ITGB5: variants seen among roughly 807,000 people sequenced by gnomAD.
The protein encoded by ITGB5 is integrin subunit beta 5, also known as integrin beta-5.
In ITGB5, 38 loss-of-function variants were observed where a neutral mutation model predicts 84.8. That is an observed-to-expected ratio of 0.45 (90% CI 0.35 to 0.59). ITGB5 has a LOEUF of 0.59. Ranked by LOEUF, ITGB5 falls within the 20% of genes least tolerant of loss-of-function variation. The pLI, the probability that ITGB5 is intolerant of heterozygous loss-of-function variation, is 0.01. For missense variants in ITGB5, 905 were observed against 1,034.5 expected (o/e 0.87, Z 1.72); for synonymous variants, 393 against 414.4 (o/e 0.95, Z 0.63).
At chr3:124,851,629 A>G (rs1181637195) in intron 3 of ITGB5, among the ~76,000 whole-genome samples, 1 of 151,836 alleles carries the variant, frequency 6.6e-6, no homozygotes, top group African/African-American at 2.4e-5. Context: ...ACACACACAC[A>G]CACACACACA....
chr3:124,870,842 G>A (rs1232268910), intron 2 of ITGB5, among the ~76,000 whole-genome samples: 1 of 152,154 alleles, frequency 6.6e-6, no homozygotes. Context: ...GACAGATGGA[G>A]ACAGTCAGGT....
At chr3:124,810,604 A>T (rs1010268267) in intron 8 of ITGB5, among the ~76,000 whole-genome samples, 4 of 117,984 alleles carry the variant, frequency 3.4e-5, no homozygotes, top group African/African-American at 1.7e-4. Flanking sequence ...TCTTAAAAAA[A>T]TTAAGAATAA....
chr3:124,818,373 G>A (rs528920134), intron 7 of ITGB5, among the ~76,000 whole-genome samples: 2 of 152,106 alleles, frequency 1.3e-5, no homozygotes, highest in South Asian at 4.1e-4. Flanking sequence ...CAAGCAAGGT[G>A]TATTTAGCTC....
intron 3 of ITGB5, among the ~76,000 whole-genome samples, chr3:124,851,084 A>G (rs1053595466): frequency 5.3e-5 from 8 of 152,244 alleles, no homozygotes; most frequent in Admixed American, 2.6e-4. Context: ...TTTACGAATT[A>G]TAAGAAATTA....
chr3:124,829,992 T>C (rs2064836696), intron 5 of ITGB5, among the ~76,000 whole-genome samples: 1 of 151,898 alleles, frequency 6.6e-6, no homozygotes, highest in Non-Finnish European at 1.5e-5. Flanking sequence ...ACTGAGAAAA[T>C]TAACAAAAAT....
At chr3:124,891,875 C>T (rs936825441), upstream of ITGB5, among the ~76,000 whole-genome samples, 5 of 151,472 alleles carry the variant, frequency 3.3e-5, no homozygotes, top group Non-Finnish European at 5.9e-5. Flanking sequence ...GCCATGATTG[C>T]ACCACTGCAC....
chr3:124,782,269 C>T (rs1041353194), intron 10 of ITGB5, among the ~76,000 whole-genome samples: 1 of 152,180 alleles, frequency 6.6e-6, no homozygotes, highest in Non-Finnish European at 1.5e-5. Flanking sequence ...CAAAACCACA[C>T]AGCAGGTAGG....
chr3:124,805,198 A>G (rs1168577741), intron 9 of ITGB5, among the ~76,000 whole-genome samples: 3 of 149,604 alleles, frequency 2.0e-5, no homozygotes, highest in Non-Finnish European at 4.4e-5. Flanking sequence ...GCTGGAGTGC[A>G]GTGTCCCAGT....
In ITGB5 at chr3:124,817,691, G is replaced by C. The variant is rs1373459839; in HGVS notation, c.1058C>G (p.Pro353Arg). The C allele has an allele frequency of 6.3e-7, 1 of 1,589,064 alleles. No homozygotes were observed. ...MLYKNFTALI[P>R]GTTVEILDGD... Reference sequence around the variant, plus strand: ...ATCTAAAATCTCCACCGTTGTTCCAGGTATCAGGGCTGTAAAATTCTTGGG... The same window carrying C: ...ATCTAAAATCTCCACCGTTGTTCCACGTATCAGGGCTGTAAAATTCTTGGG... Residue 353 changes from proline (P) to arginine (R), a missense_variant, in exon 8 of 15, where the codon CCT becomes CGT. Pro to Arg is a moderately radical substitution (Grantham distance 103). Coordinates refer to ENST00000296181, the MANE Select transcript of ITGB5 (RefSeq NM_002213.5).
At chr3:124,843,752 G>A (rs2065040817) in intron 4 of ITGB5, among the ~76,000 whole-genome samples, 1 of 152,096 alleles carries the variant, frequency 6.6e-6, no homozygotes, top group Non-Finnish European at 1.5e-5. Flanking sequence ...GACGTTCTGG[G>A]GTCATGCCAG....
rs754879571 is a variant in ITGB5, at chr3:124,796,660, G to A, written c.1421C>T (p.Ala474Val). 1.9e-6 allele frequency: 3 copies of A among 1,614,028 alleles called. No individual in the cohort carries two copies. The highest frequency in any genetic ancestry group is 1.7e-6 in the Non-Finnish European group (2 of 1,179,996). Residue 474 changes from alanine (A) to valine (V), a missense_variant, in exon 10 of 15, where the codon GCC (alanine) becomes GTC (valine). Around this residue, in one of 3 missense-constraint regions of ITGB5, gnomAD observed 656 missense variants for 734.7 expected, o/e 0.89. Transcript: ENST00000296181. ...ATAGGTCCCGCTCCCGTTGCACCTG[G>A]CGCTGTTGGGTTCCAGCCCCACGCT... ...GCSVGLEPNS[A>V]RCNGSGTYVC...
chr3:124,777,397 T>G (rs1405238706), intron 10 of ITGB5, among the ~76,000 whole-genome samples: 1 of 152,206 alleles, frequency 6.6e-6, no homozygotes, highest in African/African-American at 2.4e-5. Flanking sequence ...ATTTGATGAC[T>G]TCAAAGCAAA....
intron 3 of ITGB5, among the ~76,000 whole-genome samples, chr3:124,854,126 T>A (rs1050981468): frequency 6.6e-6 from 1 of 152,194 alleles, no homozygotes; most frequent in Non-Finnish European, 1.5e-5. Flanking sequence ...GAAAACATGA[T>A]CCTATATTTA....
At chr3:124,834,580 A>G (rs1183195834) in intron 5 of ITGB5, among the ~76,000 whole-genome samples, 1 of 82,956 alleles carries the variant, frequency 1.2e-5, no homozygotes, top group Non-Finnish European at 2.3e-5. Context: ...GAAGGAAGGA[A>G]GGAAAGAAGG....
intron 8 of ITGB5, among the ~76,000 whole-genome samples, chr3:124,811,478 C>T (rs1020116039): frequency 5.9e-5 from 9 of 152,200 alleles, no homozygotes; most frequent in Non-Finnish European, 7.4e-5. Context: ...TACTTGGGAA[C>T]GATAACTTGA....
chr3:124,889,308 A>G (rs1934942445), upstream of ITGB5, among the ~76,000 whole-genome samples: 2 of 152,188 alleles, frequency 1.3e-5, no homozygotes, highest in Admixed American at 1.3e-4. Flanking sequence ...CAAGGACCCA[A>G]AAGAATGCAA....
chr3:124,777,658 G>C lies in ITGB5; in HGVS notation c.1694-3746C>G, dbSNP rs539593113. Among the ~76,000 whole-genome samples, 18 of 152,346 alleles carry C rather than the reference G, an allele frequency of 1.2e-4. No homozygotes were observed. In the East Asian group the frequency reaches 3.5e-3, roughly 29 times the overall value. ...TCCAAGGGGCCTGGGCTTGCCCTCA[G>C]AATCCTCAATGCAGTCCTCCAAGTA... On this transcript the variant is annotated intron_variant, in intron 10 of 14. Transcript: ENST00000296181.
chr3:124,804,318 G>A (rs1338648580), intron 9 of ITGB5, among the ~76,000 whole-genome samples: 1 of 152,120 alleles, frequency 6.6e-6, no homozygotes, highest in Non-Finnish European at 1.5e-5. Context: ...GAGGCCAGGA[G>A]TTCAAAACCA....
intron 2 of ITGB5, among the ~76,000 whole-genome samples, chr3:124,866,465 G>A (rs1350519955): frequency 2.0e-5 from 3 of 152,212 alleles, no homozygotes; most frequent in Non-Finnish European, 2.9e-5. Flanking sequence ...AAAAAGGTGA[G>A]GGTGATTGTT....
Sources: gnomAD v4.1 joint callset for allele counts (sites outside exome capture counted in the v4.1 genomes callset) on GRCh38, gnomAD v4.1.1 for gene constraint, gnomAD v4.1.1 regional missense constraint, MANE v1.5 for transcripts, NCBI Gene and HGNC (gene_info 2026-07-23, HGNC 2026-07-21) for gene names.